Variants in MGAT5 observed in about 807,000 individuals in gnomAD.
The protein encoded by MGAT5 is alpha-1,6-mannosylglycoprotein 6-beta-N-acetylglucosaminyltransferase, also known as alpha-1,6-mannosylglycoprotein 6-beta-N-acetylglucosaminyltransferase A.
A neutral mutation model predicts 94.3 loss-of-function variants in MGAT5; 30 were observed. The observed-to-expected ratio is 0.32, with a 90% CI of 0.24 to 0.43. The LOEUF (loss-of-function observed/expected upper bound fraction) is 0.43, where lower values mean the gene tolerates loss of function less well. Ranked by LOEUF, MGAT5 falls within the 20% of genes least tolerant of loss-of-function variation. The probability of loss-of-function intolerance (pLI) is 1.00; values close to 1 mark genes in which losing one functional copy is unlikely to be tolerated. For synonymous variants in MGAT5, 310 were observed against 322.9 expected (o/e 0.96, Z 0.43); for missense variants, 691 against 905.5 (o/e 0.76, Z 3.04).
chr2:134,367,451 G>A (rs1680509371), intron 10 of MGAT5, among the ~76,000 whole-genome samples: 1 of 152,220 alleles, frequency 6.6e-6, no homozygotes, highest in African/African-American at 2.4e-5. Context: ...ACTGGAACAT[G>A]GCCATGGCCA....
At chr2:134,407,279 C>T (rs1259652916) in intron 11 of MGAT5, among the ~76,000 whole-genome samples, 1 of 152,142 alleles carries the variant, frequency 6.6e-6, no homozygotes, top group Non-Finnish European at 1.5e-5. Flanking sequence ...GATACTGGTT[C>T]CCATTTGCCC....
rs183054887 is a variant in MGAT5 at position 134,313,199 on chromosome 2, G to A, written c.407-4330G>A. 4.6e-5 allele frequency among the ~76,000 whole-genome samples: 7 copies of A among 152,046 alleles called. No individual in the cohort carries two copies. In the East Asian group the frequency reaches 5.8e-4, roughly 13 times the overall value. On this transcript the variant is annotated intron_variant, in intron 2 of 15. Coordinates refer to ENST00000281923, the MANE Select transcript of MGAT5 (RefSeq NM_002410.5). ...CTCTCTCGATACGTGTGTGTCTGTT[G>A]GGACTGTCAGGGAGAATCTGTCTCC...
intron 2 of MGAT5, among the ~76,000 whole-genome samples, chr2:134,293,085 A>T (rs1434958503): frequency 6.6e-6 from 1 of 152,236 alleles, no homozygotes; most frequent in Non-Finnish European, 1.5e-5. Context: ...GCACCTTCAC[A>T]CATGAAAGGT....
intron 10 of MGAT5, among the ~76,000 whole-genome samples, chr2:134,364,357 A>G (rs958573727): frequency 3.3e-5 from 5 of 152,136 alleles, no homozygotes; most frequent in African/African-American, 1.2e-4. Context: ...ACAATTAGCT[A>G]GGCGTGGTGG....
chr2:134,155,294 C>T (rs548553634), intron 1 of MGAT5, among the ~76,000 whole-genome samples: 11 of 152,348 alleles, frequency 7.2e-5, no homozygotes, highest in African/African-American at 2.4e-4. Context: ...CCTGTCTGCA[C>T]GGCATCCACA....
intron 10 of MGAT5, among the ~76,000 whole-genome samples, chr2:134,385,890 T>C (rs1681940926): frequency 6.6e-6 from 1 of 152,198 alleles, no homozygotes; most frequent in South Asian, 2.1e-4. Flanking sequence ...TTGTTTGTTT[T>C]TACTTAGGGC....
intron 2 of MGAT5, among the ~76,000 whole-genome samples, chr2:134,277,954 G>C (rs1277941075): frequency 6.6e-6 from 1 of 152,160 alleles, no homozygotes; most frequent in Non-Finnish European, 1.5e-5. Flanking sequence ...TCTCTTGGTT[G>C]CAAGAGGCCA....
At chr2:134,394,864 T>A (rs573311263) in intron 10 of MGAT5, among the ~76,000 whole-genome samples, 8 of 152,224 alleles carry the variant, frequency 5.3e-5, no homozygotes, top group Non-Finnish European at 1.2e-4. Flanking sequence ...TCTCCTCCTT[T>A]CAGGAAAGGA....
intron 10 of MGAT5, among the ~76,000 whole-genome samples, chr2:134,399,986 T>C (rs1421332773): frequency 6.6e-6 from 1 of 152,042 alleles, no homozygotes; most frequent in Non-Finnish European, 1.5e-5. Flanking sequence ...AAGATAAGAG[T>C]GTCCATGAAG....
At chr2:134,318,929 G>A (rs965232343) in intron 4 of MGAT5, among the ~76,000 whole-genome samples, 190 bp downstream of exon 4, 9 of 152,148 alleles carry the variant, frequency 5.9e-5, no homozygotes, top group African/African-American at 1.4e-4. Context: ...AAAAATAAGC[G>A]GAGTTAGTTA....
intron 1 of MGAT5, among the ~76,000 whole-genome samples, chr2:134,182,718 T>A (rs571804277): frequency 1.3e-5 from 2 of 151,892 alleles, no homozygotes; most frequent in Admixed American, 6.6e-5. Flanking sequence ...ACAGCACAGG[T>A]CAGTTTCACC....
intron 10 of MGAT5, among the ~76,000 whole-genome samples, chr2:134,376,318 C>T (rs1681167150): frequency 6.6e-6 from 1 of 152,096 alleles, no homozygotes; most frequent in South Asian, 2.1e-4. Context: ...CTTCCCCTTC[C>T]CTCACTTCTC....
intron 2 of MGAT5, among the ~76,000 whole-genome samples, chr2:134,302,709 A>G (rs1487936898): frequency 2.1e-5 from 3 of 141,906 alleles, no homozygotes; most frequent in Admixed American, 1.5e-4. Flanking sequence ...TCAGCATTTA[A>G]GAAATGCTGT....
At chr2:134,122,348 G>A (rs1315316962) in intron 1 of MGAT5, among the ~76,000 whole-genome samples, 1 of 152,128 alleles carries the variant, frequency 6.6e-6, no homozygotes, top group African/African-American at 2.4e-5. Context: ...CGGTGATCCA[G>A]CTGCCTCGGC....
At chr2:134,160,580 C>A (rs1286685900) in intron 1 of MGAT5, among the ~76,000 whole-genome samples, 1 of 152,212 alleles carries the variant, frequency 6.6e-6, no homozygotes, top group East Asian at 1.9e-4. Context: ...ATTGTATGAA[C>A]ACATCTGGTC....
rs892051667 is a variant in MGAT5, at chr2:134,451,634, A to G, written c.*2787A>G. 1 of 152,214 alleles carries G rather than the reference A, an allele frequency of 6.6e-6. No homozygotes were observed. The allele number at this position is 152,214 out of a possible 1,614,324, so 9.4% of individuals were successfully genotyped here. On this transcript the variant is annotated 3_prime_UTR_variant, in exon 16 of 16. Transcript: ENST00000281923. ...CCGATTTATAGCTGATAACAGTTCC[A>G]TGGGGAGAGAAATCCTAAGTTATGA...
chr2:134,366,527 A>G (rs1680441561), intron 10 of MGAT5, among the ~76,000 whole-genome samples: 1 of 152,194 alleles, frequency 6.6e-6, no homozygotes, highest in African/African-American at 2.4e-5. Context: ...TCTGAATCAC[A>G]CATTGGGGTT....
chr2:134,417,750 A>T (rs500657), intron 12 of MGAT5, among the ~76,000 whole-genome samples: 2 of 152,046 alleles, frequency 1.3e-5, no homozygotes, highest in African/African-American at 4.8e-5. Flanking sequence ...ATGTTAGAAT[A>T]TCCTGTTTAT....
chr2:134,135,947 A>G (rs1424678483), intron 1 of MGAT5, among the ~76,000 whole-genome samples: 1 of 152,200 alleles, frequency 6.6e-6, no homozygotes, highest in Non-Finnish European at 1.5e-5. Context: ...CATGAGTTTC[A>G]TAACTGCACA....
Sources: gnomAD v4.1 joint callset for allele counts (sites outside exome capture counted in the v4.1 genomes callset) on GRCh38, gnomAD v4.1.1 for gene constraint, MANE v1.5 for transcripts, NCBI Gene and HGNC (gene_info 2026-07-23, HGNC 2026-07-21) for gene names.